Variants in TET2 observed in about 807,000 individuals in gnomAD.
TET2 encodes the protein tet methylcytosine dioxygenase 2.
Under a neutral mutation model 142.9 loss-of-function variants are expected in TET2, and 299 were observed. The ratio of observed to expected loss-of-function variants is 2.09; its 90% CI spans 1.90 to 2.30. TET2 has a LOEUF of 2.30. TET2 is among the 30% of genes most tolerant of loss of function. TET2 has a pLI of 0.00. For missense variants in TET2, 2,418 were observed against 2,378.0 expected (o/e 1.02, Z -0.35); for synonymous variants, 819 against 849.0 (o/e 0.96, Z 0.61).
In TET2 at chr4:105,163,834, AGAGAGAGAGAGAGAGAGAGAGT is replaced by A. The variant is rs758319000; in HGVS notation, c.-193+16857_-193+16878del. On this transcript the variant is annotated intron_variant, in intron 1 of 10. Coordinates refer to ENST00000380013, the MANE Select transcript of TET2 (RefSeq NM_001127208.3). ...GAGAGAGAGAGAGAGAGAGAGAGAG[AGAGAGAGAGAGAGAGAGAGAGT>A]GTGTGTGTGTGTGTGTGTGTGTGTG... Among the ~76,000 whole-genome samples the A allele has an allele frequency of 5.1e-3, 699 of 137,980 alleles. 9 individuals are homozygous for A. The highest frequency in any genetic ancestry group is 0.016 in the African/African-American group (599 of 37,002). The allele number at this position is 137,980 out of a possible 152,430, so 90.5% of individuals were successfully genotyped here.
At chr4:105,183,448 A>G (rs1341741363) in intron 1 of TET2, among the ~76,000 whole-genome samples, 1 of 151,404 alleles carries the variant, frequency 6.6e-6, no homozygotes, top group Non-Finnish European at 1.5e-5. Context: ...TTTTTCCTAT[A>G]TATATTTTTT....
At chr4:105,158,596 G>C (rs1489046432) in intron 1 of TET2, among the ~76,000 whole-genome samples, 2 of 152,110 alleles carry the variant, frequency 1.3e-5, no homozygotes, top group Non-Finnish European at 2.9e-5. Context: ...GTATATCTCT[G>C]GTTTTTATGT....
In TET2 at chr4:105,275,174, AG is replaced by A; in HGVS notation, c.4665del (p.Glu1555AspfsTer16). On this transcript the variant is annotated frameshift_variant, in exon 11 of 11. Transcript: ENST00000380013. LOFTEE classifies it low-confidence loss of function (END_TRUNC). Reference protein sequence around the residue: ...QQQQPHHPQTESVNSYSASGS... With the variant: ...QQQQPHHPQTXSVNSYSASGS... Reference sequence around the variant, plus strand: ...CAGCAGCCACATCACCCTCAGACAGAGTCTGTCAACTCTTATTCTGCTTCTG... The same window carrying A: ...CAGCAGCCACATCACCCTCAGACAGATCTGTCAACTCTTATTCTGCTTCTG... 1 of 1,552,230 alleles carries A rather than the reference AG, an allele frequency of 6.4e-7. No individual in the cohort carries two copies. The highest frequency in any genetic ancestry group is 8.7e-7 in the Non-Finnish European group (1 of 1,147,090).
chr4:105,219,053 CTCTT>C (rs1033883745), intron 2 of TET2, among the ~76,000 whole-genome samples: 27 of 152,016 alleles, frequency 1.8e-4, no homozygotes, highest in African/African-American at 6.0e-4. Flanking sequence ...ATCTGTATTA[CTCTT>C]TCTTCTGATA....
chr4:105,222,477 AT>A (rs34802176), intron 2 of TET2, among the ~76,000 whole-genome samples: 1 of 152,144 alleles, frequency 6.6e-6, no homozygotes, highest in African/African-American at 2.4e-5. Flanking sequence ...GATGGTGAGC[AT>A]TTTTTCATGT....
chr4:105,229,036 G>A (rs1177800227), intron 2 of TET2, among the ~76,000 whole-genome samples: 1 of 152,062 alleles, frequency 6.6e-6, no homozygotes, highest in Admixed American at 6.6e-5. Flanking sequence ...TTGATGATAC[G>A]TTTGATTTAA....
At position 105,159,435 on chromosome 4, in the gene TET2, A is replaced by G. The variant is rs753128213; in HGVS notation, c.-193+12456A>G. Reference sequence around the variant, plus strand: ...CACGCCCGGCTAATTTTGTATTTTTAGTACAGACGGGGTTTCTCCATGTTG... The same window carrying G: ...CACGCCCGGCTAATTTTGTATTTTTGGTACAGACGGGGTTTCTCCATGTTG... On this transcript the variant is annotated intron_variant, in intron 1 of 10. Coordinates refer to ENST00000380013, the MANE Select transcript of TET2 (RefSeq NM_001127208.3). Among the ~76,000 whole-genome samples, 111 of 151,772 alleles carry G rather than the reference A, an allele frequency of 7.3e-4. 1 individual carries two copies. The highest frequency in any genetic ancestry group is 7.7e-4 in the Non-Finnish European group (52 of 67,924).
chr4:105,239,841 G>T (rs1729195292), intron 3 of TET2: 3 of 231,134 alleles, frequency 1.3e-5, no homozygotes, highest in African/African-American at 6.7e-5. Flanking sequence ...TCTAGCTTTT[G>T]ATTTAAAGTG....
At chr4:105,259,579 T>G (rs1454715662) in intron 6 of TET2, 40 bp from the exon 7 acceptor site, 3 of 1,545,732 alleles carry the variant, frequency 1.9e-6, no homozygotes, top group Middle Eastern at 3.4e-4. Context: ...GCCTATATAA[T>G]GCTATCCATA....
chr4:105,262,807 G>A (rs1160636545), intron 8 of TET2, among the ~76,000 whole-genome samples: 3 of 151,930 alleles, frequency 2.0e-5, no homozygotes, highest in Non-Finnish European at 4.4e-5. Context: ...CTTGAACCTG[G>A]GAGGTGGAGG....
chr4:105,272,517 T>A, intron 9 of TET2, 47 bp from the exon 10 acceptor site: 1 of 1,317,372 alleles, frequency 7.6e-7, no homozygotes, highest in Non-Finnish European at 1.0e-6. Flanking sequence ...ACACACGTTT[T>A]CTTTGGGACC....
At position 105,236,580 on chromosome 4, in the gene TET2, C is replaced by T; in HGVS notation, c.2638C>T (p.His880Tyr). 6.2e-7 allele frequency: 1 copy of T among 1,614,104 alleles called. No individual in the cohort carries two copies. The highest frequency in any genetic ancestry group is 1.1e-5 in the South Asian group (1 of 91,084). Residue 880 changes from histidine to tyrosine, a missense_variant, in exon 3 of 11, where the codon CAC becomes TAC. His to Tyr is a moderately conservative substitution (Grantham distance 83, BLOSUM62 2). Coordinates refer to ENST00000380013, the MANE Select transcript of TET2 (RefSeq NM_001127208.3). ...TGTGATCCCAAAGCAAGATCTTCTT[C>T]ACAGGTGCTTTCAAGAACAGGAGCA... ...NNVIPKQDLL[H>Y]RCFQEQEQKS...
chr4:105,264,725 A>G (rs1207972891), intron 8 of TET2, among the ~76,000 whole-genome samples: 1 of 152,142 alleles, frequency 6.6e-6, no homozygotes, highest in African/African-American at 2.4e-5. Context: ...ATATTCATCC[A>G]TGTATGTTAA....
chr4:105,199,393 A>G (rs1726305068), intron 2 of TET2, among the ~76,000 whole-genome samples: 2 of 152,148 alleles, frequency 1.3e-5, no homozygotes, highest in South Asian at 4.1e-4. Context: ...ATGAATCTCT[A>G]CTATCCTTCA....
At chr4:105,174,366 A>T (rs1724654965) in intron 1 of TET2, among the ~76,000 whole-genome samples, 1 of 152,216 alleles carries the variant, frequency 6.6e-6, no homozygotes. Context: ...CTGGGATGAC[A>T]TATGGTTAAA....
In TET2 at chr4:105,278,356, T is replaced by G. The variant is rs939365572; in HGVS notation, c.*1837T>G. ...TGGCAATAGGATATTGAACTGAGAG[T>G]GAAAGCATTGTGTACCATCATTTTT... On this transcript the variant is annotated 3_prime_UTR_variant, in exon 11 of 11. Transcript: ENST00000380013. 4.7e-6 allele frequency: 1 copy of G among 213,828 alleles called. No individual in the cohort carries two copies. Among genetic ancestry groups the G allele is most frequent in the Non-Finnish European group, 9.4e-6 (1 of 106,306 alleles). The allele number at this position is 213,828 out of a possible 1,614,324, so 13.2% of individuals were successfully genotyped here.
chr4:105,261,837 T>TA lies in TET2; in HGVS notation c.4034dup (p.Tyr1345Ter). 1 of 1,544,722 alleles carries TA rather than the reference T, an allele frequency of 6.5e-7. No individual in the cohort carries two copies. Among genetic ancestry groups the TA allele is most frequent in the Non-Finnish European group, 8.8e-7 (1 of 1,141,950 alleles). Residue 1345 changes from tyrosine (Y) to a stop codon, truncating the protein, a stop_gained and frameshift_variant, in exon 8 of 11, where the codon TAT (tyrosine) becomes TAAT (stop). Coordinates refer to ENST00000380013, the MANE Select transcript of TET2 (RefSeq NM_001127208.3). LOFTEE classifies it high-confidence loss of function. ...PTYKKLAPDA[Y>*]NNQIEYEHRA... is the part of the protein sequence containing the mutation. ...ATATAAGAAACTTGCACCTGATGCATATAATAATCAGGTAAGTTTAAATAA... is the reference window on the plus strand; with the variant it reads ...ATATAAGAAACTTGCACCTGATGCATAATAATAATCAGGTAAGTTTAAATAA...
At position 105,164,349 on chromosome 4, in the gene TET2, G is replaced by A. The variant is rs138248128; in HGVS notation, c.-193+17370G>A. Among the ~76,000 whole-genome samples, 4 of 152,250 alleles carry A rather than the reference G, an allele frequency of 2.6e-5. No individual in the cohort carries two copies. The East Asian group carries it at 7.7e-4, about 29-fold the overall frequency. ...TAGCTGTGTATGTCATATTCAGGTT[G>A]CCTTAGCATTTGTGAATCTGCTTCT... On this transcript the variant is annotated intron_variant, in intron 1 of 10. Transcript: ENST00000380013.
intron 6 of TET2, among the ~76,000 whole-genome samples, chr4:105,245,808 T>TTTA (rs1294681600): frequency 6.6e-6 from 1 of 152,246 alleles, no homozygotes; most frequent in Non-Finnish European, 1.5e-5. Flanking sequence ...TAAAGCATAA[T>TTTA]ATCTCTTAGA....
Sources: gnomAD v4.1 joint callset for allele counts (sites outside exome capture counted in the v4.1 genomes callset) on GRCh38, gnomAD v4.1.1 for gene constraint, MANE v1.5 for transcripts, NCBI Gene and HGNC (gene_info 2026-07-23, HGNC 2026-07-21) for gene names.